CDH12: variants seen among roughly 807,000 people sequenced by gnomAD.
The protein encoded by CDH12 is cadherin 12.
Under a neutral mutation model 74.1 loss-of-function variants are expected in CDH12, and 41 were observed. The observed-to-expected ratio is 0.55, with a 90% CI of 0.43 to 0.72. CDH12 has a LOEUF of 0.72. CDH12 is among the 30% of genes least tolerant of loss of function. The pLI is 0.00. For missense variants in CDH12, 945 were observed against 977.2 expected, an observed-to-expected ratio of 0.97 and a Z score of 0.44; for synonymous variants, 399 against 355.0, an observed-to-expected ratio of 1.12 and a Z score of -1.39.
At chr5:22,490,595 A>G (rs1746821483) in intron 2 of CDH12, among the ~76,000 whole-genome samples, 2 of 152,270 alleles carry the variant, frequency 1.3e-5, no homozygotes, top group African/African-American at 4.8e-5. Flanking sequence ...CTCTCTGCAA[A>G]TTTCTCAACT....
At chr5:21,784,334 A>T in intron 10 of CDH12, among the ~76,000 whole-genome samples, 1 of 152,242 alleles carries the variant, frequency 6.6e-6, no homozygotes, top group African/African-American at 2.4e-5. Context: ...TTTAAATATG[A>T]CAATTTGATA....
intron 1 of CDH12, among the ~76,000 whole-genome samples, chr5:22,837,304 A>G (rs1561066751): frequency 6.6e-6 from 1 of 152,068 alleles, no homozygotes; most frequent in Non-Finnish European, 1.5e-5. Flanking sequence ...GCTCCTCTGA[A>G]GGCTGAGGCA....
intron 4 of CDH12, among the ~76,000 whole-genome samples, chr5:22,176,360 A>G (rs1209300154): frequency 1.3e-5 from 2 of 152,014 alleles, no homozygotes. Context: ...ATAGTATCTT[A>G]ATCCATGTGT....
chr5:22,386,694 T>C lies in CDH12; in HGVS notation c.-333+18563A>G, dbSNP rs145126800. On this transcript the variant is annotated intron_variant, in intron 3 of 14. Coordinates refer to ENST00000382254, the MANE Select transcript of CDH12 (RefSeq NM_004061.5). ...TTCATATATATTTTTACAGAGTAAC[T>C]GAAATATGCATGAAAGATGAATATT... Among the ~76,000 whole-genome samples the C allele has an allele frequency of 4.9e-4, 75 of 152,174 alleles. 1 individual carries two copies. The East Asian group carries it at 0.014, about 29-fold the overall frequency.
chr5:22,663,228 T>A (rs1366714189), intron 1 of CDH12, among the ~76,000 whole-genome samples: 1 of 152,148 alleles, frequency 6.6e-6, no homozygotes, highest in East Asian at 1.9e-4. Flanking sequence ...GGAAATGATG[T>A]CTCTCAAAGG....
At chr5:22,040,020 A>C (rs912823762) in intron 5 of CDH12, among the ~76,000 whole-genome samples, 12 of 152,222 alleles carry the variant, frequency 7.9e-5, no homozygotes, top group Admixed American at 7.2e-4. Context: ...AGGAATTCAA[A>C]ATAATAATCT....
intron 1 of CDH12, among the ~76,000 whole-genome samples, chr5:22,520,599 T>A (rs894308361): frequency 6.6e-6 from 1 of 152,122 alleles, no homozygotes; most frequent in Non-Finnish European, 1.5e-5. Flanking sequence ...ATAATATTTA[T>A]TGGAGCATGA....
intron 4 of CDH12, among the ~76,000 whole-genome samples, chr5:22,173,483 A>G (rs2150330739): frequency 6.7e-6 from 1 of 149,978 alleles, no homozygotes; most frequent in East Asian, 1.9e-4. Context: ...ATAGAATTAG[A>G]CTTTAGATAT....
chr5:22,774,477 T>C (rs1433474693), intron 1 of CDH12, among the ~76,000 whole-genome samples: 1 of 152,122 alleles, frequency 6.6e-6, no homozygotes, highest in Non-Finnish European at 1.5e-5. Context: ...TCATCTTGAA[T>C]TCCCATGTGT....
At chr5:22,792,926 A>G (rs1747990414) in intron 1 of CDH12, among the ~76,000 whole-genome samples, 1 of 152,216 alleles carries the variant, frequency 6.6e-6, no homozygotes, top group East Asian at 1.9e-4. Context: ...ATAAAGTGTG[A>G]GGTACCTCCT....
intron 2 of CDH12, among the ~76,000 whole-genome samples, chr5:22,448,869 GA>G (rs1391034941): frequency 6.6e-6 from 1 of 151,760 alleles, no homozygotes; most frequent in Non-Finnish European, 1.5e-5. Flanking sequence ...ATAATGTATA[GA>G]AAAATGCTTT....
intron 3 of CDH12, among the ~76,000 whole-genome samples, chr5:22,269,685 C>T (rs1172991277): frequency 6.6e-6 from 1 of 152,042 alleles, no homozygotes; most frequent in East Asian, 1.9e-4. Context: ...GATAAGAGTC[C>T]CCATCCTTCA....
At chr5:22,483,748 C>CTATATATATATATATATATATA (rs573933210) in intron 2 of CDH12, among the ~76,000 whole-genome samples, 1,157 of 22,702 alleles carry the variant, frequency 0.051, 374 homozygotes, top group Admixed American at 0.086. Flanking sequence ...TCTTTCAAAA[C>CTATATATATATATATATATATA]TATATATATA....
intron 3 of CDH12, among the ~76,000 whole-genome samples, chr5:22,327,650 T>G (rs1038073447): frequency 6.6e-6 from 1 of 152,310 alleles, no homozygotes; most frequent in East Asian, 1.9e-4. Context: ...TAGACATTAT[T>G]ACTTTTACCT....
At chr5:22,626,466 C>T (rs1738304146) in intron 1 of CDH12, among the ~76,000 whole-genome samples, 1 of 152,114 alleles carries the variant, frequency 6.6e-6, no homozygotes, top group African/African-American at 2.4e-5. Context: ...GAGCACATAG[C>T]CCAAGAGTGC....
chr5:22,819,296 C>A lies in CDH12; in HGVS notation c.-523+33762G>T, dbSNP rs544117929. 2.6e-5 allele frequency among the ~76,000 whole-genome samples: 4 copies of A among 152,002 alleles called. 1 individual carries two copies. The South Asian group carries it at 8.3e-4, about 32-fold the overall frequency. ...GCCATTTTTACAACAGAGAAAACTGCAAATTAACTCAATACTTGGGACTTA... is the reference window on the plus strand; with the variant it reads ...GCCATTTTTACAACAGAGAAAACTGAAAATTAACTCAATACTTGGGACTTA... On this transcript the variant is annotated intron_variant, in intron 1 of 14. Transcript: ENST00000382254.
intron 3 of CDH12, among the ~76,000 whole-genome samples, chr5:22,321,634 T>TA (rs1738888444): frequency 6.6e-6 from 1 of 151,478 alleles, no homozygotes; most frequent in South Asian, 2.1e-4. Flanking sequence ...CCCTAAAACT[T>TA]AAAGTATAAT....
intron 1 of CDH12, among the ~76,000 whole-genome samples, chr5:22,735,799 T>C (rs931330161): frequency 2.0e-5 from 3 of 151,882 alleles, no homozygotes; most frequent in Admixed American, 1.3e-4. Context: ...ACTCAAAAAA[T>C]GAGTGTTTAC....
chr5:21,793,141 T>C (rs958527090), intron 10 of CDH12, among the ~76,000 whole-genome samples: 6 of 151,868 alleles, frequency 4.0e-5, no homozygotes, highest in Non-Finnish European at 8.9e-5. Flanking sequence ...ACCTTTTTGC[T>C]TTGCTCATGT....
Sources: allele counts gnomAD v4.1 joint callset (sites outside exome capture counted in the v4.1 genomes callset), GRCh38; gene constraint gnomAD v4.1.1; transcripts MANE v1.5; gene names NCBI Gene and HGNC (gene_info 2026-07-23, HGNC 2026-07-21).